Variants in FKBP15 observed in about 807,000 individuals in gnomAD.
FKBP15 encodes FKBP prolyl isomerase family member 15, also known as FK506-binding protein 15.
A neutral mutation model predicts 158.1 loss-of-function variants in FKBP15; 106 were observed. That is an observed-to-expected ratio of 0.67 (90% CI 0.57 to 0.79). The LOEUF (loss-of-function observed/expected upper bound fraction) is 0.79. Ranked by LOEUF, FKBP15 falls within the 30% of genes least tolerant of loss-of-function variation. FKBP15 has a pLI of 0.00. For synonymous variants in FKBP15, 547 were observed against 548.6 expected (o/e 1.00, Z 0.04); for missense variants, 1,287 against 1,479.1 (o/e 0.87, Z 2.13).
At chr9:113,202,811 A>G (rs1450955400) in intron 5 of FKBP15, 150 bp downstream of exon 5, 2 of 779,642 alleles carry the variant, frequency 2.6e-6, no homozygotes, top group Non-Finnish European at 2.1e-6. Flanking sequence ...AGAAGGAGCC[A>G]AGAGACCTTT....
chr9:113,207,348 A>ATTTTTTTTT, intron 2 of FKBP15, 52 bp from the exon 3 acceptor site: 2 of 1,393,624 alleles, frequency 1.4e-6, no homozygotes, highest in South Asian at 1.2e-5. Flanking sequence ...CTTTAAACTA[A>ATTTTTTTTT]TTTTTTTTAA....
At chr9:113,173,242 G>A (rs1042032251) in intron 23 of FKBP15, among the ~76,000 whole-genome samples, 13 of 152,132 alleles carry the variant, frequency 8.5e-5, no homozygotes, top group East Asian at 3.8e-4. Flanking sequence ...AACATGTTCC[G>A]GAACACTAGT....
intron 12 of FKBP15, 54 bp downstream of exon 12, chr9:113,190,417 A>G: frequency 7.3e-7 from 1 of 1,378,434 alleles, no homozygotes; most frequent in African/African-American, 1.4e-5. Context: ...AAATGAAAAG[A>G]AAGATGATGG....
At position 113,163,041 on chromosome 9, in the gene FKBP15, CTT is replaced by C. The variant is rs1300346690; in HGVS notation, c.*3035_*3036del. 2.3e-5 allele frequency: 23 copies of C among 984,824 alleles called. No individual in the cohort carries two copies. The highest frequency in any genetic ancestry group is 3.3e-5 in the African/African-American group (2 of 59,758). The allele number at this position is 984,824 out of a possible 1,614,324, so 61.0% of individuals were successfully genotyped here. ...CCACCTTATTCCCAGCCCCTGGAAA[CTT>C]TGAGCTGAAGCCAGCACTTGCTCCC... On this transcript the variant is annotated 3_prime_UTR_variant, in exon 28 of 28. Transcript: ENST00000238256.
chr9:113,204,671 CTG>C (rs1247585007), intron 4 of FKBP15, among the ~76,000 whole-genome samples: 1 of 152,188 alleles, frequency 6.6e-6, no homozygotes, highest in East Asian at 1.9e-4. Flanking sequence ...TTTCTTCTCT[CTG>C]TGCTTCAGTC....
rs1564138540 is a variant in FKBP15, at chr9:113,161,417, T to C, written c.*4661A>G. 1.8e-6 allele frequency: 2 copies of C among 1,136,286 alleles called. No homozygotes were observed. The highest frequency in any genetic ancestry group is 2.6e-6 in the Non-Finnish European group (2 of 761,268). The allele number at this position is 1,136,286 out of a possible 1,614,324, so 70.4% of individuals were successfully genotyped here. ...TGGGGAAGAAGGTGCAGGATAGAGGTGGATGGAGTGGATTCCATGAACAGG... is the reference window on the plus strand; with the variant it reads ...TGGGGAAGAAGGTGCAGGATAGAGGCGGATGGAGTGGATTCCATGAACAGG... On this transcript the variant is annotated 3_prime_UTR_variant, in exon 28 of 28. Transcript: ENST00000238256.
chr9:113,195,635 A>G (rs1390962626), intron 9 of FKBP15, among the ~76,000 whole-genome samples: 1 of 152,214 alleles, frequency 6.6e-6, no homozygotes, highest in Non-Finnish European at 1.5e-5. Context: ...AAACAGCCAC[A>G]GTGAAGATGA....
intron 15 of FKBP15, among the ~76,000 whole-genome samples, chr9:113,185,355 G>T (rs1830467830): frequency 7.3e-6 from 1 of 137,418 alleles, no homozygotes; most frequent in South Asian, 2.3e-4. Flanking sequence ...AGAGGAAAGA[G>T]GGACAGAGAA....
intron 6 of FKBP15, among the ~76,000 whole-genome samples, chr9:113,200,871 C>T (rs909816396): frequency 7.9e-5 from 12 of 151,966 alleles, no homozygotes; most frequent in Non-Finnish European, 1.2e-4. Context: ...TGGTGAAACC[C>T]TGTCTCTACT....
At chr9:113,199,366 T>C (rs984312607) in intron 7 of FKBP15, among the ~76,000 whole-genome samples, 1 of 152,214 alleles carries the variant, frequency 6.6e-6, no homozygotes, top group African/African-American at 2.4e-5. Flanking sequence ...ACTCATAGTC[T>C]AAAGGTCTTT....
At chr9:113,185,836 G>A (rs1830476367) in intron 15 of FKBP15, among the ~76,000 whole-genome samples, 1 of 152,096 alleles carries the variant, frequency 6.6e-6, no homozygotes, top group Non-Finnish European at 1.5e-5. Flanking sequence ...TTTCATTAGA[G>A]ATACTAAACA....
chr9:113,186,158 G>A, intron 15 of FKBP15, 91 bp downstream of exon 15: 1 of 824,238 alleles, frequency 1.2e-6, no homozygotes, highest in South Asian at 1.5e-5. Context: ...ACAATGAGTA[G>A]AGAGCTGTTG....
Position 113,161,825 on chromosome 9 carries a change from C to T in FKBP15, c.*4253G>A. Reference sequence around the variant, plus strand: ...AGGCCCAGGGAAGGACCAGGACTTGCCAAAGTGGCTACACATAGCCAAGTG... The same window carrying T: ...AGGCCCAGGGAAGGACCAGGACTTGTCAAAGTGGCTACACATAGCCAAGTG... On this transcript the variant is annotated 3_prime_UTR_variant, in exon 28 of 28. Transcript: ENST00000238256. 9.6e-7 allele frequency: 1 copy of T among 1,044,118 alleles called. No homozygotes were observed. The highest frequency in any genetic ancestry group is 1.3e-5 in the South Asian group (1 of 75,662). The allele number at this position is 1,044,118 out of a possible 1,614,324, so 64.7% of individuals were successfully genotyped here.
In FKBP15 at chr9:113,163,072, A is replaced by G. The variant is rs1443917637; in HGVS notation, c.*3006T>C. The G allele has an allele frequency of 4.5e-6, 3 of 670,256 alleles. No individual in the cohort carries two copies. The highest frequency in any genetic ancestry group is 7.1e-6 in the Non-Finnish European group (3 of 425,204). 41.5% of individuals were successfully genotyped at this position (670,256 alleles called of 1,614,324 possible). On this transcript the variant is annotated 3_prime_UTR_variant, in exon 28 of 28. Transcript: ENST00000238256. The stretch of plus-strand genomic sequence containing the variant: ...GCTGAAGCCAGCACTTGCTCCCTGG[A>G]GTTCGGAAGCCATTGCAGCAACCTT...
intron 9 of FKBP15, among the ~76,000 whole-genome samples, chr9:113,196,540 C>A (rs10981681): frequency 1.3e-5 from 2 of 152,002 alleles, no homozygotes; most frequent in Non-Finnish European, 1.5e-5. Flanking sequence ...CATGCCACCA[C>A]GCCTGGCTAA....
intron 4 of FKBP15, among the ~76,000 whole-genome samples, chr9:113,203,721 T>G (rs1830837282): frequency 6.6e-6 from 1 of 152,162 alleles, no homozygotes; most frequent in East Asian, 1.9e-4. Context: ...GAGACCAGGT[T>G]TCACCATGTT....
At chr9:113,193,399 T>C (rs1460164377) in intron 11 of FKBP15, 93 bp downstream of exon 11, 6 of 999,246 alleles carry the variant, frequency 6.0e-6, no homozygotes, top group African/African-American at 1.6e-5. Flanking sequence ...GGTCTTGAAC[T>C]CCTGCACTGT....
chr9:113,174,280 T>C, intron 22 of FKBP15, 148 bp downstream of exon 22: 1 of 754,658 alleles, frequency 1.3e-6, no homozygotes, highest in South Asian at 2.4e-5. Flanking sequence ...CCTGCACATA[T>C]CTGGATTACT....
rs1285097417 is a variant in FKBP15, at chr9:113,164,879, T to G, written c.*1199A>C. 1.3e-5 allele frequency: 2 copies of G among 152,254 alleles called. No individual in the cohort carries two copies. Among genetic ancestry groups the G allele is most frequent in the Non-Finnish European group, 2.9e-5 (2 of 68,046 alleles). The allele number at this position is 152,254 out of a possible 1,614,324, so 9.4% of individuals were successfully genotyped here. ...GAAAGTGCCAAACAGCACCGCCTTT[T>G]GTTAAGCAACAAAGAAATAATTAGT... On this transcript the variant is annotated 3_prime_UTR_variant, in exon 28 of 28. Transcript: ENST00000238256.
Sources: gnomAD v4.1 joint callset for allele counts (sites outside exome capture counted in the v4.1 genomes callset) on GRCh38, gnomAD v4.1.1 for gene constraint, MANE v1.5 for transcripts, NCBI Gene and HGNC (gene_info 2026-07-23, HGNC 2026-07-21) for gene names.